OXCT1: variants seen among roughly 807,000 people sequenced by gnomAD.
The protein encoded by OXCT1 is 3-oxoacid CoA-transferase 1, also known as succinyl-CoA:3-ketoacid coenzyme A transferase 1, mitochondrial.
Under a neutral mutation model 69.6 loss-of-function variants are expected in OXCT1, and 27 were observed. The observed-to-expected ratio is 0.39, with a 90% confidence interval of 0.29 to 0.54. The LOEUF is 0.54. Ranked by LOEUF, OXCT1 falls within the 20% of genes least tolerant of loss-of-function variation. The probability of loss-of-function intolerance (pLI) is 0.72; values close to 1 mark genes in which losing one functional copy is unlikely to be tolerated. For synonymous variants in OXCT1, 202 were observed against 217.8 expected (o/e 0.93, Z 0.64); for missense variants, 437 against 650.2 (o/e 0.67, Z 3.57).
chr5:41,819,608 G>C (rs1371715063), intron 7 of OXCT1, among the ~76,000 whole-genome samples: 1 of 151,844 alleles, frequency 6.6e-6, no homozygotes, highest in Non-Finnish European at 1.5e-5. Flanking sequence ...TACCTCAGGT[G>C]ATCTGCCTGC....
chr5:41,836,706 T>C (rs1163649961), intron 7 of OXCT1, among the ~76,000 whole-genome samples: 2 of 152,072 alleles, frequency 1.3e-5, no homozygotes, highest in Non-Finnish European at 2.9e-5. Context: ...CCCACTCCTA[T>C]GAGAATATAA....
intron 16 of OXCT1, among the ~76,000 whole-genome samples, chr5:41,737,296 T>C (rs1742932998): frequency 6.6e-6 from 1 of 152,232 alleles, no homozygotes. Flanking sequence ...TGAGAGGGTC[T>C]ACAGAGATAT....
In OXCT1 at chr5:41,840,500, C is replaced by T; in HGVS notation, c.683G>A (p.Arg228Lys). The change falls in exon 7 of 17, where the codon AGG becomes AAG. Residue 228 changes from arginine (R) to lysine (K), a missense_variant. By Grantham distance (26) the Arg-to-Lys change is conservative (BLOSUM62 2). Coordinates refer to ENST00000196371, the MANE Select transcript of OXCT1 (RefSeq NM_000436.4). ...TTTGCACATTGGCAAGTTGAAATTCCTTGCACTTTTCCTACAGGGGTGGAG... is the reference window on the plus strand; with the variant it reads ...TTTGCACATTGGCAAGTTGAAATTCTTTGCACTTTTCCTACAGGGGTGGAG... ...AGNVIFRKSARNFNLPMCKAA... is the reference protein window; with the variant it reads ...AGNVIFRKSAKNFNLPMCKAA... 1.2e-6 allele frequency: 2 copies of T among 1,612,780 alleles called. No homozygotes were observed. Among genetic ancestry groups the T allele is most frequent in the Non-Finnish European group, 1.7e-6 (2 of 1,179,032 alleles).
intron 13 of OXCT1, among the ~76,000 whole-genome samples, chr5:41,784,413 G>A (rs770374068): frequency 1.9e-4 from 29 of 152,130 alleles, no homozygotes; most frequent in Non-Finnish European, 3.7e-4. Flanking sequence ...CCATGAATAA[G>A]AGTCATATGT....
rs879784629 is a variant in OXCT1 at position 41,837,303 on chromosome 5, G to GAA, written c.732+3146_732+3147dup. Among the ~76,000 whole-genome samples the GAA allele has an allele frequency of 1.0e-4, 13 of 129,730 alleles. No homozygotes were observed. In the South Asian group the frequency reaches 2.3e-3, roughly 23 times the overall value. 85.1% of individuals were successfully genotyped at this position (129,730 alleles called of 152,430 possible). ...GATGAGCTAAGAGTTCTTTATTTAA[G>GAA]AAAAAAAAAAAAAGACGCCGTTGAC... On this transcript the variant is annotated intron_variant, in intron 7 of 16. Transcript: ENST00000196371.
Position 41,843,348 on chromosome 5 carries a change from C to T in OXCT1, c.565-567G>A, listed in dbSNP as rs114459575. Among the ~76,000 whole-genome samples, 75 of 152,150 alleles carry T rather than the reference C, an allele frequency of 4.9e-4. 1 individual carries two copies. The highest frequency in any genetic ancestry group is 3.1e-3 in the South Asian group (15 of 4,814). On this transcript the variant is annotated intron_variant, in intron 5 of 16. Transcript: ENST00000196371. ...TCCATTTACTGAGGTTTTCTTCGAC[C>T]TCCTTCAATAGTTTTATTATTTTCT...
chr5:41,759,379 C>T (rs1744238271), intron 14 of OXCT1, among the ~76,000 whole-genome samples: 2 of 152,018 alleles, frequency 1.3e-5, no homozygotes, highest in Non-Finnish European at 2.9e-5. Flanking sequence ...TTTTAAAGGG[C>T]AGAAGATAAG....
intron 15 of OXCT1, among the ~76,000 whole-genome samples, chr5:41,741,653 A>G (rs946538896): frequency 6.6e-6 from 1 of 152,180 alleles, no homozygotes; most frequent in Non-Finnish European, 1.5e-5. Context: ...ATTTTTCCCC[A>G]GAAACACACA....
intron 15 of OXCT1, among the ~76,000 whole-genome samples, chr5:41,744,230 A>G (rs1362886781): frequency 1.3e-5 from 2 of 152,122 alleles, no homozygotes; most frequent in Admixed American, 6.5e-5. Context: ...CTTTGAAGCA[A>G]TTGTGAATGG....
At chr5:41,864,346 G>A (rs1349817924) in intron 1 of OXCT1, among the ~76,000 whole-genome samples, 1 of 152,156 alleles carries the variant, frequency 6.6e-6, no homozygotes, top group Non-Finnish European at 1.5e-5. Flanking sequence ...TGGTCAAGGT[G>A]ACAGCATAAA....
chr5:41,776,444 T>A (rs904240383), intron 13 of OXCT1, among the ~76,000 whole-genome samples: 4 of 152,262 alleles, frequency 2.6e-5, no homozygotes, highest in Non-Finnish European at 5.9e-5. Flanking sequence ...AAACTCAGTA[T>A]GTGGCCTGTT....
At chr5:41,791,325 A>G (rs1237597444) in intron 13 of OXCT1, among the ~76,000 whole-genome samples, 2 of 152,194 alleles carry the variant, frequency 1.3e-5, no homozygotes, top group African/African-American at 4.8e-5. Context: ...ATTTTTCTCA[A>G]CTAGACTTCC....
At chr5:41,822,400 G>T (rs1158080306) in intron 7 of OXCT1, among the ~76,000 whole-genome samples, 1 of 152,102 alleles carries the variant, frequency 6.6e-6, no homozygotes, top group African/African-American at 2.4e-5. Context: ...TATCATTATG[G>T]ACTAGCCCTC....
intron 3 of OXCT1, among the ~76,000 whole-genome samples, chr5:41,859,864 A>AATATATATATATATATATATACAT (rs1749635250): frequency 8.3e-6 from 1 of 120,114 alleles, no homozygotes; most frequent in African/African-American, 3.0e-5. Flanking sequence ...CTAGTATAGT[A>AATATATATATATATATATATACAT]ATATATATAT....
chr5:41,826,065 T>C (rs1747795264), intron 7 of OXCT1, among the ~76,000 whole-genome samples: 2 of 152,256 alleles, frequency 1.3e-5, no homozygotes, highest in African/African-American at 4.8e-5. Flanking sequence ...ACTCAAGCTA[T>C]GAAGTGACAG....
rs146525949 is a variant in OXCT1, at chr5:41,760,044, A to T, written c.1338+2067T>A. On this transcript the variant is annotated intron_variant, in intron 14 of 16. Coordinates refer to ENST00000196371, the MANE Select transcript of OXCT1 (RefSeq NM_000436.4). Reference sequence around the variant, plus strand: ...TGAAGAGATTACCAGGAGTGAAAAAACTCTCTTCCCTACCTCTTTTCCAGC... The same window carrying T: ...TGAAGAGATTACCAGGAGTGAAAAATCTCTCTTCCCTACCTCTTTTCCAGC... Among the ~76,000 whole-genome samples, 25 of 151,770 alleles carry T rather than the reference A, an allele frequency of 1.6e-4. No homozygotes were observed. In the East Asian group the frequency reaches 4.7e-3, roughly 28 times the overall value.
chr5:41,840,714 A>G (rs952952611), intron 6 of OXCT1, among the ~76,000 whole-genome samples: 2 of 152,232 alleles, frequency 1.3e-5, no homozygotes, highest in Non-Finnish European at 2.9e-5. Context: ...TATTCAATGT[A>G]TATAGTTTTG....
chr5:41,759,839 C>A (rs893304909), intron 14 of OXCT1, among the ~76,000 whole-genome samples: 12 of 151,710 alleles, frequency 7.9e-5, no homozygotes, highest in African/African-American at 1.2e-4. Flanking sequence ...AACAAACAAA[C>A]AAAAAAAACA....
At chr5:41,783,238 A>AT (rs1451686430) in intron 13 of OXCT1, among the ~76,000 whole-genome samples, 1 of 152,176 alleles carries the variant, frequency 6.6e-6, no homozygotes, top group East Asian at 1.9e-4. Context: ...TAATTTAAAG[A>AT]TTTTCTCAAA....
Sources: allele counts gnomAD v4.1 joint callset (sites outside exome capture counted in the v4.1 genomes callset), GRCh38; gene constraint gnomAD v4.1.1; transcripts MANE v1.5; gene names NCBI Gene and HGNC (gene_info 2026-07-23, HGNC 2026-07-21).